Variants in DRC1 observed in about 807,000 individuals in gnomAD.
DRC1 encodes the protein dynein regulatory complex subunit 1.
Under a neutral mutation model 98.7 loss-of-function variants are expected in DRC1, and 74 were observed. The observed-to-expected ratio is 0.75, with a 90% CI of 0.62 to 0.91. The LOEUF (loss-of-function observed/expected upper bound fraction) is 0.91, where lower values mean the gene tolerates loss of function less well. Among genes scored for constraint, DRC1 ranks in the 40% least tolerant of loss-of-function variants. The pLI is 0.00. For synonymous variants in DRC1, 336 were observed against 334.1 expected (o/e 1.01, Z -0.06); for missense variants, 875 against 886.0 (o/e 0.99, Z 0.16).
chr2:26,440,594 T>A lies in DRC1; in HGVS notation c.1028+77T>A, dbSNP rs560590022. 406 of 1,467,778 alleles carry A rather than the reference T, an allele frequency of 2.8e-4. 6 individuals are homozygous for A. In the South Asian group the frequency reaches 6.0e-3, roughly 22 times the overall value. The allele number at this position is 1,467,778 out of a possible 1,614,324, so 90.9% of individuals were successfully genotyped here. A position where few individuals can be genotyped will look rare whatever the true frequency, so the allele number is the denominator to read the frequency against. On this transcript the variant is annotated intron_variant, in intron 8 of 16. Coordinates refer to ENST00000288710, the MANE Select transcript of DRC1 (RefSeq NM_145038.5). The stretch of plus-strand genomic sequence containing the variant: ...GGGATGGATATGTACTTTTTTCTAT[T>A]GAAGGGGTAGAAACCATTAAAAATA...
chr2:26,402,806 G>A (rs370524875), intron 1 of DRC1, among the ~76,000 whole-genome samples: 12 of 152,226 alleles, frequency 7.9e-5, no homozygotes, highest in African/African-American at 2.9e-4. Flanking sequence ...GAGCACACAT[G>A]TCTTACCAAG....
At chr2:26,441,364 G>A (rs114981467) in intron 8 of DRC1, among the ~76,000 whole-genome samples, 126 of 152,280 alleles carry the variant, frequency 8.3e-4, no homozygotes, top group African/African-American at 3.0e-3. Flanking sequence ...AACATCAGTT[G>A]ACCTTTTGGT....
intron 14 of DRC1, 39 bp downstream of exon 14, chr2:26,453,588 C>G: frequency 6.3e-7 from 1 of 1,587,682 alleles, no homozygotes; most frequent in Non-Finnish European, 8.6e-7. Context: ...GAGACCAGAA[C>G]CAGGGGAGCT....
intron 8 of DRC1, among the ~76,000 whole-genome samples, chr2:26,443,521 C>A (rs1663771194): frequency 6.6e-6 from 1 of 152,206 alleles, no homozygotes; most frequent in South Asian, 2.1e-4. Context: ...GCTCCCCTGG[C>A]ACCCTGCATA....
chr2:26,437,721 TACAC>T (rs750415119), intron 7 of DRC1, among the ~76,000 whole-genome samples: 1 of 151,368 alleles, frequency 6.6e-6, no homozygotes, highest in African/African-American at 2.4e-5. Context: ...TATATATATA[TACAC>T]ACACACACAC....
In DRC1 at chr2:26,448,726, G is replaced by A. The variant is rs750288484; in HGVS notation, c.1432G>A (p.Glu478Lys). The A allele has an allele frequency of 6.2e-7, 1 of 1,614,220 alleles. No homozygotes were observed. Among genetic ancestry groups the A allele is most frequent in the East Asian group, 2.2e-5 (1 of 44,884 alleles). Residue 478 changes from glutamate to lysine, a missense_variant, in exon 11 of 17, where the codon GAG (glutamate) becomes AAG (lysine). Transcript: ENST00000288710. Reference sequence around the variant, plus strand: ...GGCAGAAGAGGCCGCCGCGGAACCAGAGTCCTACCTGGATTTGCCGAAGCA... The same window carrying A: ...GGCAGAAGAGGCCGCCGCGGAACCAAAGTCCTACCTGGATTTGCCGAAGCA... ...EEAEEAAAEP[E>K]SYLDLPKQIS...
intron 4 of DRC1, among the ~76,000 whole-genome samples, chr2:26,425,435 A>C (rs1663259012): frequency 6.6e-6 from 1 of 152,202 alleles, no homozygotes; most frequent in African/African-American, 2.4e-5. Context: ...TTGGATGTAT[A>C]CTTAAAAGCA....
chr2:26,421,087 T>C (rs1004160804), intron 2 of DRC1: 23 of 423,632 alleles, frequency 5.4e-5, no homozygotes, highest in African/African-American at 3.3e-4. Context: ...TGCTTTTAAA[T>C]TGTGAGCTGT....
rs372867624 is a variant in DRC1 at position 26,431,863 on chromosome 2, C to G, written c.766-21C>G. On this transcript the variant is annotated intron_variant, in intron 6 of 16. Transcript: ENST00000288710. ...GGCAAGGATGGTCCCTAACTTTTCC[C>G]TTGTCTTCCTGTGCCTTTAGCTGGA... 6.9e-5 allele frequency: 112 copies of G among 1,612,786 alleles called. No individual in the cohort carries two copies. The African/African-American group carries it at 1.4e-3, about 20-fold the overall frequency.
intron 6 of DRC1, 86 bp downstream of exon 6, chr2:26,430,958 C>T (rs115988311): frequency 0.011 from 3,859 of 343,432 alleles, no homozygotes; most frequent in Non-Finnish European, 0.014. Flanking sequence ...CTTTTTCTAT[C>T]TTTTTTTTTT....
intron 7 of DRC1, among the ~76,000 whole-genome samples, chr2:26,438,597 G>A (rs1298965854): frequency 1.3e-5 from 2 of 152,130 alleles, no homozygotes; most frequent in Non-Finnish European, 2.9e-5. Flanking sequence ...CCATGGTGAC[G>A]CAGAATATCC....
rs548209014 is a variant in DRC1, at chr2:26,439,936, T to TATATATATATATACAC, written c.889-441_889-440insTATATATATATACACA. ...ACTAGTGTGTGAATATATATATATA[T>TATATATATATATACAC]ACACACACACATACACACACACACA... On this transcript the variant is annotated intron_variant, in intron 7 of 16. Transcript: ENST00000288710. 1.9e-4 allele frequency among the ~76,000 whole-genome samples: 14 copies of TATATATATATATACAC among 75,492 alleles called. 2 individuals are homozygous for TATATATATATATACAC. The highest frequency in any genetic ancestry group is 5.6e-4 in the African/African-American group (13 of 23,044). The allele number at this position is 75,492 out of a possible 152,430, so 49.5% of individuals were successfully genotyped here.
At chr2:26,429,879 T>C in intron 5 of DRC1, 114 bp downstream of exon 5, 2 of 1,146,200 alleles carry the variant, frequency 1.7e-6, no homozygotes, top group Non-Finnish European at 2.4e-6. Context: ...TCCGCTGATT[T>C]CTGTTTCTGC....
At chr2:26,414,171 C>T (rs891807458) in intron 1 of DRC1, among the ~76,000 whole-genome samples, 173 bp from the exon 2 acceptor site, 4 of 146,164 alleles carry the variant, frequency 2.7e-5, no homozygotes, top group African/African-American at 5.2e-5. Flanking sequence ...AGATGGGGGT[C>T]TTGCTATTTT....
intron 7 of DRC1, among the ~76,000 whole-genome samples, chr2:26,433,852 C>G (rs1337848257): frequency 6.6e-6 from 1 of 152,066 alleles, no homozygotes; most frequent in Non-Finnish European, 1.5e-5. Flanking sequence ...GGTCACAGAG[C>G]CTTTGCGTCC....
chr2:26,406,813 CTTTT>C (rs5830010), intron 1 of DRC1, among the ~76,000 whole-genome samples: 3 of 101,606 alleles, frequency 3.0e-5, no homozygotes, highest in Admixed American at 2.2e-4. Flanking sequence ...TGTCACTTTC[CTTTT>C]TTTTTTTTTT....
chr2:26,421,910 G>A (rs967580520), intron 3 of DRC1, among the ~76,000 whole-genome samples: 3 of 151,984 alleles, frequency 2.0e-5, no homozygotes, highest in East Asian at 3.9e-4. Context: ...TTGCTGATAC[G>A]TGCCAAGCTG....
At chr2:26,426,732 G>A (rs1426113788) in intron 4 of DRC1, among the ~76,000 whole-genome samples, 1 of 152,084 alleles carries the variant, frequency 6.6e-6, no homozygotes, top group African/African-American at 2.4e-5. Flanking sequence ...AGACTATTTT[G>A]GCAATTTGGA....
chr2:26,402,168 G>A (rs975371432), intron 1 of DRC1, 24 bp downstream of exon 1: 2 of 1,559,260 alleles, frequency 1.3e-6, no homozygotes, highest in Admixed American at 1.9e-5. Context: ...CGGGCGGGGC[G>A]GGATCCGCGC....
Sources: gnomAD v4.1 joint callset for allele counts (sites outside exome capture counted in the v4.1 genomes callset) on GRCh38, gnomAD v4.1.1 for gene constraint, MANE v1.5 for transcripts, NCBI Gene and HGNC (gene_info 2026-07-23, HGNC 2026-07-21) for gene names.